CPB1: variants seen among roughly 807,000 people sequenced by gnomAD.
The protein encoded by CPB1 is carboxypeptidase B1, also known as carboxypeptidase B.
In CPB1, 53 loss-of-function variants were observed where a neutral mutation model predicts 51.4. The observed-to-expected ratio is 1.03, with a 90% CI of 0.83 to 1.30. The LOEUF is 1.30. Among genes scored for constraint, CPB1 ranks in the 50% most tolerant of loss-of-function variants. CPB1 has a pLI of 0.00. For synonymous variants in CPB1, 189 were observed against 186.9 expected (o/e 1.01, Z -0.09); for missense variants, 494 against 516.2 (o/e 0.96, Z 0.42).
At chr3:148,848,535 T>A (rs1179434360) in intron 9 of CPB1, among the ~76,000 whole-genome samples, 1 of 149,744 alleles carries the variant, frequency 6.7e-6, no homozygotes, top group African/African-American at 2.4e-5. Context: ...AGCAAAAAAA[T>A]ATATATGTTT....
intron 9 of CPB1, among the ~76,000 whole-genome samples, chr3:148,850,468 A>AT (rs371355506): frequency 0.014 from 2,083 of 151,920 alleles, 42 homozygotes; most frequent in African/African-American, 0.048. Context: ...CACCCGGCTA[A>AT]TTTTTTTGTA....
At chr3:148,846,436 G>C (rs1713241476) in intron 9 of CPB1, among the ~76,000 whole-genome samples, 2 of 151,342 alleles carry the variant, frequency 1.3e-5, no homozygotes, top group South Asian at 4.2e-4. Flanking sequence ...TAAAGCATTT[G>C]AGTTATGCCA....
In CPB1 at chr3:148,833,711, G is replaced by A. The variant is rs1712807646; in HGVS notation, c.148-787G>A. On this transcript the variant is annotated intron_variant, in intron 2 of 10. Transcript: ENST00000282957. ...TTAGTTAATATTTTTCCACTGAAAG[G>A]TGTTACTTAAAACCACACATCCACA... Among the ~76,000 whole-genome samples the A allele has an allele frequency of 2.6e-5, 4 of 151,220 alleles. No homozygotes were observed. The South Asian group carries it at 8.3e-4, about 32-fold the overall frequency.
intron 3 of CPB1, among the ~76,000 whole-genome samples, chr3:148,838,573 C>A (rs923283768): frequency 3.3e-5 from 5 of 152,022 alleles, no homozygotes; most frequent in African/African-American, 1.2e-4. Flanking sequence ...CCTTGAATAT[C>A]ATTTTCCTGA....
At chr3:148,828,173 T>G in intron 2 of CPB1, 96 bp downstream of exon 2, 2 of 982,458 alleles carry the variant, frequency 2.0e-6, no homozygotes, top group South Asian at 1.6e-5. Context: ...ATATTAACTA[T>G]AGCATTTTGG....
chr3:148,849,663 T>A (rs1016929012), intron 9 of CPB1, among the ~76,000 whole-genome samples: 3 of 152,140 alleles, frequency 2.0e-5, no homozygotes, highest in Admixed American at 6.5e-5. Context: ...CTCCACAGAT[T>A]AACAAAATGG....
intron 9 of CPB1, chr3:148,856,227 C>T (rs1038821601): frequency 6.6e-6 from 1 of 152,192 alleles, no homozygotes; most frequent in African/African-American, 2.4e-5. Context: ...TTCCAGGAAG[C>T]TGATTGCATC....
intron 9 of CPB1, chr3:148,852,071 C>G (rs1713449599): frequency 6.6e-6 from 1 of 152,160 alleles, no homozygotes; most frequent in African/African-American, 2.4e-5. Context: ...TTTGCTAAGC[C>G]TGAACGTTCT....
chr3:148,839,280 C>T (rs1248508161), intron 3 of CPB1, among the ~76,000 whole-genome samples: 1 of 152,146 alleles, frequency 6.6e-6, no homozygotes, highest in Non-Finnish European at 1.5e-5. Flanking sequence ...AGATTCTCCC[C>T]TAGAGCTTCC....
At chr3:148,853,247 G>A (rs1713482172) in intron 9 of CPB1, among the ~76,000 whole-genome samples, 1 of 152,126 alleles carries the variant, frequency 6.6e-6, no homozygotes, top group Admixed American at 6.5e-5. Flanking sequence ...TGTAATAATG[G>A]GTCACTGGAA....
At chr3:148,829,902 C>T (rs1046383361) in intron 2 of CPB1, among the ~76,000 whole-genome samples, 3 of 152,074 alleles carry the variant, frequency 2.0e-5, no homozygotes, top group African/African-American at 4.8e-5. Context: ...GGGGGTGTTA[C>T]CTAGGGGTAA....
intron 2 of CPB1, among the ~76,000 whole-genome samples, chr3:148,831,702 T>C (rs7642396): frequency 0.084 from 12,798 of 152,228 alleles, 803 homozygotes; most frequent in African/African-American, 0.17. Flanking sequence ...GTGTTCTATA[T>C]GGTTCTTTGT....
chr3:148,849,400 T>A (rs962775467), intron 9 of CPB1, among the ~76,000 whole-genome samples: 7 of 152,296 alleles, frequency 4.6e-5, no homozygotes, highest in African/African-American at 1.7e-4. Context: ...GAATTTAGAT[T>A]TCCAAAATTC....
Position 148,844,735 on chromosome 3 carries a change from A to C in CPB1, c.746A>C (p.Asp249Ala). 1 of 1,613,980 alleles carries C rather than the reference A, an allele frequency of 6.2e-7. No homozygotes were observed. Among genetic ancestry groups the C allele is most frequent in the Non-Finnish European group, 8.5e-7 (1 of 1,179,868 alleles). Residue 249 changes from aspartate to alanine, a missense_variant, in exon 8 of 11, where the codon GAC (aspartate) becomes GCC (alanine). By Grantham distance (126) the Asp-to-Ala change is moderately radical. Transcript: ENST00000282957. ...THTGSSCIGT[D>A]PNRNFDAGWC... Reference sequence around the variant, plus strand: ...ACTGGATCTAGCTGCATTGGCACAGACCCCAACAGAAATTTTGATGCTGGT... The same window carrying C: ...ACTGGATCTAGCTGCATTGGCACAGCCCCCAACAGAAATTTTGATGCTGGT...
rs766913721 is a variant in CPB1 at position 148,845,486 on chromosome 3, A to T, written c.841A>T (p.Lys281Ter). Reference protein sequence around the residue: ...TYCGPAAESEKETKALADFIR... With the variant: ...TYCGPAAESE ...CTGTGGACCTGCCGCAGAGTCTGAAAAGGAGACCAAGGCCCTGGCTGATTT... is the reference window on the plus strand; with the variant it reads ...CTGTGGACCTGCCGCAGAGTCTGAATAGGAGACCAAGGCCCTGGCTGATTT... The change falls in exon 9 of 11, where the codon AAG (lysine) becomes TAG (stop). Residue 281 changes from lysine to a stop codon, truncating the protein, a stop_gained. Transcript: ENST00000282957. LOFTEE classifies it high-confidence loss of function. The T allele has an allele frequency of 6.2e-6, 10 of 1,613,832 alleles. No homozygotes were observed. The highest frequency in any genetic ancestry group is 8.5e-6 in the Non-Finnish European group (10 of 1,179,878).
chr3:148,854,244 A>T (rs1713513420), intron 9 of CPB1: 1 of 152,226 alleles, frequency 6.6e-6, no homozygotes, highest in Non-Finnish European at 1.5e-5. Context: ...TTCTGCTAGA[A>T]AATTCTGTGT....
chr3:148,835,879 C>T (rs996366807), intron 3 of CPB1, among the ~76,000 whole-genome samples: 8 of 152,108 alleles, frequency 5.3e-5, no homozygotes, highest in African/African-American at 1.9e-4. Flanking sequence ...AAAATCTGTA[C>T]CTCCATCAGG....
chr3:148,836,609 G>T (rs1712913288), intron 3 of CPB1, among the ~76,000 whole-genome samples: 1 of 152,198 alleles, frequency 6.6e-6, no homozygotes, highest in Non-Finnish European at 1.5e-5. Context: ...TTTGGGAATT[G>T]TGTATGAATG....
At chr3:148,831,038 A>G (rs1321054980) in intron 2 of CPB1, among the ~76,000 whole-genome samples, 3 of 152,142 alleles carry the variant, frequency 2.0e-5, no homozygotes, top group South Asian at 4.1e-4. Context: ...TCAGCTTTTG[A>G]ACATGTCCTT....
Sources: gnomAD v4.1 joint callset for allele counts (sites outside exome capture counted in the v4.1 genomes callset) on GRCh38, gnomAD v4.1.1 for gene constraint, MANE v1.5 for transcripts, NCBI Gene and HGNC (gene_info 2026-07-23, HGNC 2026-07-21) for gene names.